PTPRK: variants seen among roughly 807,000 people sequenced by gnomAD.
PTPRK encodes the protein protein tyrosine phosphatase receptor type K.
PTPRK carries 75 observed loss-of-function variants against 178.0 expected under a neutral mutation model. The ratio of observed to expected loss-of-function variants is 0.42; its 90% CI spans 0.35 to 0.51. The LOEUF is 0.51. Ranked by LOEUF, PTPRK falls within the 20% of genes least tolerant of loss-of-function variation. The pLI, the probability that PTPRK is intolerant of heterozygous loss-of-function variation, is 0.02. For synonymous variants in PTPRK, 637 were observed against 620.6 expected (o/e 1.03, Z -0.39); for missense variants, 1,441 against 1,797.8 (o/e 0.80, Z 3.59).
chr6:127,996,547 C>T (rs1469087487), intron 17 of PTPRK, among the ~76,000 whole-genome samples: 1 of 152,182 alleles, frequency 6.6e-6, no homozygotes, highest in East Asian at 1.9e-4. Flanking sequence ...TCTCTGCTCG[C>T]TGCAACCTCA....
At chr6:128,121,194 T>C (rs1277772619) in intron 7 of PTPRK, among the ~76,000 whole-genome samples, 1 of 151,962 alleles carries the variant, frequency 6.6e-6, no homozygotes, top group Non-Finnish European at 1.5e-5. Flanking sequence ...TAGCCTTAAA[T>C]TATAGTGCTG....
At chr6:128,341,690 A>C (rs568391069) in intron 2 of PTPRK, among the ~76,000 whole-genome samples, 3 of 152,340 alleles carry the variant, frequency 2.0e-5, no homozygotes, top group South Asian at 2.1e-4. Flanking sequence ...CCATTAAAAA[A>C]GTAAAGTGAA....
chr6:128,067,398 C>T (rs1030872392), intron 12 of PTPRK, 121 bp downstream of exon 12: 1 of 1,137,008 alleles, frequency 8.8e-7, no homozygotes, highest in Non-Finnish European at 1.2e-6. Flanking sequence ...GAACAGAACC[C>T]CCTACATGCA....
chr6:128,127,543 G>A (rs1459253745), intron 7 of PTPRK, among the ~76,000 whole-genome samples: 3 of 152,114 alleles, frequency 2.0e-5, no homozygotes, highest in Admixed American at 6.6e-5. Context: ...TTACAACAGC[G>A]ATGCAATGTC....
chr6:128,270,637 A>C (rs1343559643), intron 3 of PTPRK, among the ~76,000 whole-genome samples: 1 of 152,210 alleles, frequency 6.6e-6, no homozygotes, highest in Non-Finnish European at 1.5e-5. Context: ...AGATACTAGC[A>C]ATGTCAGAAA....
chr6:127,997,279 A>C (rs1334140545), intron 16 of PTPRK, among the ~76,000 whole-genome samples: 2 of 152,170 alleles, frequency 1.3e-5, no homozygotes, highest in African/African-American at 4.8e-5. Flanking sequence ...TAGAAGTAGC[A>C]AAGTATCATT....
chr6:127,985,779 T>A lies in PTPRK; in HGVS notation c.3193A>T (p.Ile1065Phe). The change falls in exon 22 of 30, where the codon ATC (isoleucine) becomes TTC (phenylalanine). Residue 1065 changes from isoleucine to phenylalanine, a missense_variant. Ile to Phe is a conservative substitution (Grantham distance 21). Around this residue, in one of 4 missense-constraint regions of PTPRK, gnomAD observed 335 missense variants for 512.4 expected, o/e 0.65. Coordinates refer to ENST00000368226, the MANE Select transcript of PTPRK (RefSeq NM_002844.4). ...PYHATGLLSF[I>F]RRVKLSNPPS... ...GGGTTTGATAACTTGACTCGCCGGATAAAGGAAAGCAGCCCTGTAGCATGG... is the reference window on the plus strand; with the variant it reads ...GGGTTTGATAACTTGACTCGCCGGAAAAAGGAAAGCAGCCCTGTAGCATGG... The A allele has an allele frequency of 6.2e-7, 1 of 1,613,916 alleles. No individual in the cohort carries two copies. The highest frequency in any genetic ancestry group is 8.5e-7 in the Non-Finnish European group (1 of 1,179,908).
intron 1 of PTPRK, among the ~76,000 whole-genome samples, chr6:128,432,105 T>C (rs1029570899): frequency 6.6e-6 from 1 of 152,186 alleles, no homozygotes; most frequent in Non-Finnish European, 1.5e-5. Context: ...TCATAAACCA[T>C]TGTGATCACC....
At chr6:128,270,024 T>A (rs1819551416) in intron 3 of PTPRK, among the ~76,000 whole-genome samples, 1 of 152,156 alleles carries the variant, frequency 6.6e-6, no homozygotes, top group Admixed American at 6.6e-5. Context: ...TGATTGTACC[T>A]GCTAGTCGAT....
chr6:128,483,732 T>C (rs903063186), intron 1 of PTPRK, among the ~76,000 whole-genome samples: 5 of 152,076 alleles, frequency 3.3e-5, no homozygotes, highest in Non-Finnish European at 7.4e-5. Context: ...CCAAATAAAA[T>C]CTCTGCACTC....
At chr6:128,126,649 G>C (rs1016657609) in intron 7 of PTPRK, among the ~76,000 whole-genome samples, 1 of 151,972 alleles carries the variant, frequency 6.6e-6, no homozygotes, top group Admixed American at 6.6e-5. Flanking sequence ...TCCACACTTG[G>C]ATAATTAAAT....
intron 13 of PTPRK, among the ~76,000 whole-genome samples, chr6:128,023,088 A>C (rs775670433): frequency 1.3e-5 from 2 of 152,234 alleles, no homozygotes; most frequent in Non-Finnish European, 2.9e-5. Flanking sequence ...GAGCTGGAGC[A>C]GCCAAGAAAA....
rs141302330 is a variant in PTPRK at position 128,411,640 on chromosome 6, A to G, written c.101-13952T>C. Among the ~76,000 whole-genome samples the G allele has an allele frequency of 4.5e-3, 693 of 152,344 alleles. 3 individuals are homozygous for G. The highest frequency in any genetic ancestry group is 7.3e-3 in the Non-Finnish European group (499 of 68,030). ...CACAAAACTCAGAAAGGCTTTATGGATCTCAAAGGGGACTAATGAAAATAT... is the reference window on the plus strand; with the variant it reads ...CACAAAACTCAGAAAGGCTTTATGGGTCTCAAAGGGGACTAATGAAAATAT... On this transcript the variant is annotated intron_variant, in intron 1 of 29. Transcript: ENST00000368226.
At position 128,089,947 on chromosome 6, in the gene PTPRK, G is replaced by C. The variant is rs1786634443; in HGVS notation, c.1208C>G (p.Ala403Gly). ...PKTLKIAEIQ[A>G]RRIAVDWESL... ...TTCCCAGTCCACAGCAATCCGTCTT[G>C]CCTGTATTTCAGCAATCTTTAATGT... The change falls in exon 8 of 30, where the codon GCA (alanine) becomes GGA (glycine). Residue 403 changes from alanine to glycine, a missense_variant. Ala to Gly is a moderately conservative substitution (Grantham distance 60, BLOSUM62 0). Coordinates refer to ENST00000368226, the MANE Select transcript of PTPRK (RefSeq NM_002844.4). 6.2e-7 allele frequency: 1 copy of C among 1,611,592 alleles called. No homozygotes were observed. The highest frequency in any genetic ancestry group is 1.1e-5 in the South Asian group (1 of 91,054).
chr6:128,474,534 T>C (rs1016203525), intron 1 of PTPRK, among the ~76,000 whole-genome samples: 1 of 152,102 alleles, frequency 6.6e-6, no homozygotes, highest in Non-Finnish European at 1.5e-5. Flanking sequence ...AGTATCTGTA[T>C]ACTCCTTTTC....
At chr6:127,981,593 A>G (rs1775344951) in intron 24 of PTPRK, among the ~76,000 whole-genome samples, 1 of 152,160 alleles carries the variant, frequency 6.6e-6, no homozygotes, top group Non-Finnish European at 1.5e-5. Flanking sequence ...GCAGTCCATT[A>G]TGATAATGAC....
At chr6:128,112,896 C>T (rs746223711) in intron 7 of PTPRK, among the ~76,000 whole-genome samples, 2 of 152,128 alleles carry the variant, frequency 1.3e-5, no homozygotes, top group Non-Finnish European at 2.9e-5. Flanking sequence ...ATGTCGGTAA[C>T]TGAATTCATC....
intron 7 of PTPRK, among the ~76,000 whole-genome samples, chr6:128,178,856 T>C (rs1801492165): frequency 6.6e-6 from 1 of 151,964 alleles, no homozygotes; most frequent in Admixed American, 6.6e-5. Context: ...ATATATTCTC[T>C]TTCTTTTCTA....
chr6:128,200,773 TG>T (rs1282547404), intron 6 of PTPRK, among the ~76,000 whole-genome samples: 2 of 142,694 alleles, frequency 1.4e-5, no homozygotes, highest in African/African-American at 5.2e-5. Context: ...GAGAAGTCAA[TG>T]GAGTGGTCTG....
Sources: gnomAD v4.1 joint callset for allele counts (sites outside exome capture counted in the v4.1 genomes callset) on GRCh38, gnomAD v4.1.1 for gene constraint, gnomAD v4.1.1 regional missense constraint, MANE v1.5 for transcripts, NCBI Gene and HGNC (gene_info 2026-07-23, HGNC 2026-07-21) for gene names.